Variants in AQP4 observed in about 807,000 individuals in gnomAD.
The protein encoded by AQP4 is aquaporin-4.
In AQP4, 18 loss-of-function variants were observed where a neutral mutation model predicts 27.8. The ratio of observed to expected loss-of-function variants is 0.65; its 90% confidence interval spans 0.45 to 0.96. AQP4 has a LOEUF of 0.96. Among genes scored for constraint, AQP4 ranks in the 40% least tolerant of loss-of-function variants. AQP4 has a pLI of 0.00. For missense variants in AQP4, 412 were observed against 408.2 expected, an observed-to-expected ratio of 1.01 and a Z score of -0.08; for synonymous variants, 141 against 142.9, an observed-to-expected ratio of 0.99 and a Z score of 0.10.
Position 26,861,294 on chromosome 18 carries a change from A to T in AQP4, c.449T>A (p.Val150Asp). 1.2e-6 allele frequency: 2 copies of T among 1,613,544 alleles called. No homozygotes were observed. The highest frequency in any genetic ancestry group is 4.5e-5 in the East Asian group (2 of 44,860). Residue 150 changes from valine to aspartate, a missense_variant and splice_region_variant, in exon 3 of 5, where the codon GTT becomes GAT. Coordinates refer to ENST00000383168, the MANE Select transcript of AQP4 (RefSeq NM_001650.7). Reference sequence around the variant, plus strand: ...ATGACCAGCGGTAAGATTTCCATGAACCTAGAGAAAGAAAAATATTCCATC... The same window carrying T: ...ATGACCAGCGGTAAGATTTCCATGATCCTAGAGAAAGAAAAATATTCCATC... ...SVVGGLGVTM[V>D]HGNLTAGHGL...
At chr18:26,857,851 A>G (rs993710063) in intron 4 of AQP4, among the ~76,000 whole-genome samples, 1 of 152,230 alleles carries the variant, frequency 6.6e-6, no homozygotes, top group East Asian at 1.9e-4. Flanking sequence ...AACCAATGAG[A>G]TAAATATTAT....
rs1313972260 is a variant in AQP4, at chr18:26,855,586, G to C, written c.*625C>G. On this transcript the variant is annotated 3_prime_UTR_variant, in exon 5 of 5. Transcript: ENST00000383168. The stretch of plus-strand genomic sequence containing the variant: ...CTGGGCTTTAGTCCCACATTACCTT[G>C]GGCATTGAGGAGGAAGAAATACCAT... 2 of 153,224 alleles carry C rather than the reference G, an allele frequency of 1.3e-5. No homozygotes were observed. The highest frequency in any genetic ancestry group is 4.8e-5 in the African/African-American group (2 of 41,416). 9.5% of individuals were successfully genotyped at this position (153,224 alleles called of 1,614,324 possible). A position where few individuals can be genotyped will look rare whatever the true frequency, so the allele number is the denominator to read the frequency against.
Position 26,856,367 on chromosome 18 carries a change from T to C in AQP4, c.816A>G (p.Gln272=), listed in dbSNP as rs1341470835. The change falls in exon 5 of 5, where the codon CAA becomes CAG. Residue 272 remains glutamine (Q), a synonymous_variant. Transcript: ENST00000383168. The part of the protein sequence containing the change: ...FKEAFSKAAQ[Q]TKGSYMEVED... Reference sequence around the variant, plus strand: ...CCACCTCCATGTAGCTTCCTTTTGTTTGCTGGGCAGCTTTGCTGAAGGCTT... The same window carrying C: ...CCACCTCCATGTAGCTTCCTTTTGTCTGCTGGGCAGCTTTGCTGAAGGCTT... 2 of 1,614,262 alleles carry C rather than the reference T, an allele frequency of 1.2e-6. No individual in the cohort carries two copies. The highest frequency in any genetic ancestry group is 2.2e-5 in the South Asian group (2 of 91,088).
At position 26,856,288 on chromosome 18, in the gene AQP4, C is replaced by G; in HGVS notation, c.895G>C (p.Val299Leu). Residue 299 changes from valine to leucine, a missense_variant, in exon 5 of 5, where the codon GTG becomes CTG. Coordinates refer to ENST00000383168, the MANE Select transcript of AQP4 (RefSeq NM_001650.7). ...CCCCGGTCAACGTCAATCACATGCACCACTCCAGGTTTTAGAATCAGGTCA... is the reference window on the plus strand; with the variant it reads ...CCCCGGTCAACGTCAATCACATGCAGCACTCCAGGTTTTAGAATCAGGTCA... ...TDDLILKPGV[V>L]HVIDVDRGEE... is the part of the protein sequence containing the mutation. 6.2e-7 allele frequency: 1 copy of G among 1,614,214 alleles called. No individual in the cohort carries two copies. Among genetic ancestry groups the G allele is most frequent in the Non-Finnish European group, 8.5e-7 (1 of 1,180,042 alleles).
At chr18:26,860,110 T>C (rs1430193156) in intron 4 of AQP4, among the ~76,000 whole-genome samples, 3 of 152,222 alleles carry the variant, frequency 2.0e-5, no homozygotes, top group Non-Finnish European at 4.4e-5. Context: ...GCACTGCCAC[T>C]ACATTAATAA....
intron 1 of AQP4, 54 bp downstream of exon 1, chr18:26,865,600 GAGAC>G: frequency 6.2e-7 from 1 of 1,609,640 alleles, no homozygotes; most frequent in Non-Finnish European, 8.5e-7. Context: ...TATAATAAAA[GAGAC>G]AGTTTCATCT....
intron 4 of AQP4, among the ~76,000 whole-genome samples, chr18:26,857,366 C>T (rs1386673951): frequency 6.6e-6 from 1 of 151,660 alleles, no homozygotes; most frequent in Admixed American, 6.6e-5. Context: ...CTTGCTCTGT[C>T]ACCTAGGCTG....
At position 26,855,106 on chromosome 18, in the gene AQP4, A is replaced by C. The variant is rs1359286157; in HGVS notation, c.*1105T>G. 6.6e-6 allele frequency: 1 copy of C among 152,218 alleles called. No homozygotes were observed. Among genetic ancestry groups the C allele is most frequent in the African/African-American group, 2.4e-5 (1 of 41,436 alleles). The allele number at this position is 152,218 out of a possible 1,614,324, so 9.4% of individuals were successfully genotyped here. ...TCAAATATCATTACACTTGCAGTAA[A>C]GATTATCAACAAATGTCACGAGAAG... On this transcript the variant is annotated 3_prime_UTR_variant, in exon 5 of 5. Transcript: ENST00000383168.
In AQP4 at chr18:26,862,235, T is replaced by C; in HGVS notation, c.394A>G (p.Ile132Val). 1 of 1,614,130 alleles carries C rather than the reference T, an allele frequency of 6.2e-7. No individual in the cohort carries two copies. The highest frequency in any genetic ancestry group is 8.5e-7 in the Non-Finnish European group (1 of 1,180,026). ...QCLGAIIGAG[I>V]LYLVTPPSVV... is the part of the protein sequence containing the mutation. ...CTGGGAGGTGTGACCAGATAGAGGATTCCTGCTCCAATGATGGCCCCCAGG... is the reference window on the plus strand; with the variant it reads ...CTGGGAGGTGTGACCAGATAGAGGACTCCTGCTCCAATGATGGCCCCCAGG... Residue 132 changes from isoleucine (I) to valine (V), a missense_variant, in exon 2 of 5, where the codon ATC (isoleucine) becomes GTC (valine). Ile to Val is a conservative substitution (Grantham distance 29). Coordinates refer to ENST00000383168, the MANE Select transcript of AQP4 (RefSeq NM_001650.7).
chr18:26,856,166 G>A lies in AQP4; in HGVS notation c.*45C>T, dbSNP rs973442003. On this transcript the variant is annotated 3_prime_UTR_variant, in exon 5 of 5. Transcript: ENST00000383168. ...CCTTAATGGGTGGAAGGAAATCTGA[G>A]GACAGTTCTAAGGAGTCTTGTCTGC... 2 of 1,608,460 alleles carry A rather than the reference G, an allele frequency of 1.2e-6. No homozygotes were observed. Among genetic ancestry groups the A allele is most frequent in the East Asian group, 4.5e-5 (2 of 44,872 alleles).
chr18:26,864,816 A>G (rs2055027451), intron 1 of AQP4, among the ~76,000 whole-genome samples: 1 of 152,120 alleles, frequency 6.6e-6, no homozygotes, highest in South Asian at 2.1e-4. Context: ...AGGAGACACC[A>G]GAAGAGGTGG....
chr18:26,861,081 T>A, intron 3 of AQP4, 50 bp downstream of exon 3: 1 of 1,599,282 alleles, frequency 6.3e-7, no homozygotes, highest in Non-Finnish European at 8.6e-7. Flanking sequence ...CCAGCTAGAG[T>A]GAGGATAAAT....
At position 26,856,232 on chromosome 18, in the gene AQP4, T is replaced by C. The variant is rs760740584; in HGVS notation, c.951A>G (p.Gly317=). The C allele has an allele frequency of 6.2e-7, 1 of 1,614,184 alleles. No individual in the cohort carries two copies. Among genetic ancestry groups the C allele is most frequent in the Non-Finnish European group, 8.5e-7 (1 of 1,180,024 alleles). ...GEEKKGKDQS[G]EVLSSV is the part of the protein sequence containing the mutation. The stretch of plus-strand genomic sequence containing the variant: ...CTAGTCATACTGAAGACAATACCTC[T>C]CCAGATTGGTCTTTCCCCTTCTTCT... Residue 317 remains glycine, a synonymous_variant, in exon 5 of 5, where the codon GGA becomes GGG. Coordinates refer to ENST00000383168, the MANE Select transcript of AQP4 (RefSeq NM_001650.7).
rs1325975846 is a variant in AQP4, at chr18:26,855,597, A to G, written c.*614T>C. 6.5e-6 allele frequency: 1 copy of G among 153,594 alleles called. No individual in the cohort carries two copies. Among genetic ancestry groups the G allele is most frequent in the Non-Finnish European group, 1.5e-5 (1 of 68,766 alleles). 9.5% of individuals were successfully genotyped at this position (153,594 alleles called of 1,614,324 possible). ...TCCCACATTACCTTGGGCATTGAGG[A>G]GGAAGAAATACCATGAAATGAAGTT... On this transcript the variant is annotated 3_prime_UTR_variant, in exon 5 of 5. Coordinates refer to ENST00000383168, the MANE Select transcript of AQP4 (RefSeq NM_001650.7).
intron 1 of AQP4, 42 bp downstream of exon 1, chr18:26,865,616 T>C: frequency 6.2e-7 from 1 of 1,613,810 alleles, no homozygotes; most frequent in East Asian, 2.2e-5. Flanking sequence ...GTTTCATCTT[T>C]TGGCCCTAAG....
chr18:26,865,613 C>T, intron 1 of AQP4, 45 bp downstream of exon 1: 4 of 1,613,564 alleles, frequency 2.5e-6, no homozygotes, highest in Non-Finnish European at 2.5e-6. Flanking sequence ...ACAGTTTCAT[C>T]TTTTGGCCCT....
At chr18:26,860,618 C>G (rs2054923547) in intron 4 of AQP4, 154 bp downstream of exon 4, 1 of 739,156 alleles carries the variant, frequency 1.4e-6, no homozygotes, top group Admixed American at 2.0e-5. Context: ...CTGTGCTATT[C>G]TTTCCCTAGT....
At chr18:26,856,609 A>C in intron 4 of AQP4, 120 bp from the exon 5 acceptor site, 5 of 1,175,092 alleles carry the variant, frequency 4.3e-6, no homozygotes, top group Non-Finnish European at 6.1e-6. Context: ...TGCATCAAAA[A>C]GAGGGGAATT....
rs201758586 is a variant in AQP4, at chr18:26,862,479, G to A, written c.150C>T (p.Leu50=). ...AGTTGATGGTGGATCCCAGGCTGAG[G>A]AGAACAAAAATAAGCATGGCCAGAA... ...AEFLAMLIFV[L]LSLGSTINWG... is the part of the protein sequence containing the mutation. Residue 50 remains leucine (L), a synonymous_variant, in exon 2 of 5, where the codon CTC becomes CTT. Coordinates refer to ENST00000383168, the MANE Select transcript of AQP4 (RefSeq NM_001650.7). The A allele has an allele frequency of 3.3e-5, 53 of 1,614,068 alleles. No individual in the cohort carries two copies. Among genetic ancestry groups the A allele is most frequent in the Admixed American group, 5.0e-5 (3 of 60,006 alleles).
Sources: allele counts gnomAD v4.1 joint callset (sites outside exome capture counted in the v4.1 genomes callset), GRCh38; gene constraint gnomAD v4.1.1; transcripts MANE v1.5; gene names NCBI Gene and HGNC (gene_info 2026-07-23, HGNC 2026-07-21).